The following CHRDL1 variants were observed in gnomAD, a reference collection of about 807,000 sequenced individuals.
CHRDL1 encodes the protein chordin-like protein 1.
CHRDL1 carries 19 observed loss-of-function variants against 40.9 expected under a neutral mutation model. The observed-to-expected ratio is 0.46, with a 90% CI of 0.32 to 0.68. The LOEUF is 0.68. CHRDL1 is among the 30% of genes least tolerant of loss of function. The pLI, the probability that CHRDL1 is intolerant of heterozygous loss-of-function variation, is 0.03. For missense variants in CHRDL1, 329 were observed against 352.1 expected (o/e 0.93, Z 0.53); for synonymous variants, 136 against 123.4 (o/e 1.10, Z -0.68).
intron 6 of CHRDL1, among the ~76,000 whole-genome samples, chrX:110,712,021 G>A (rs909136220): frequency 8.0e-5 from 9 of 111,976 alleles, no homozygotes; most frequent in Non-Finnish European, 1.5e-4. Context: ...TACTGCATCT[G>A]TACTTGGAAT....
intron 2 of CHRDL1, among the ~76,000 whole-genome samples, chrX:110,773,594 G>A (rs1293625450): frequency 2.7e-5 from 3 of 109,133 alleles, no homozygotes; most frequent in African/African-American, 1.0e-4. Context: ...TGGGCGTGGT[G>A]GCAGGCGCCT....
chrX:110,792,985 TC>T (rs1255317580), intron 1 of CHRDL1, among the ~76,000 whole-genome samples: 1 of 112,361 alleles, frequency 8.9e-6, no homozygotes, highest in Non-Finnish European at 1.9e-5. Context: ...AGATTGGCAT[TC>T]CCAGTATAAG....
At position 110,763,287 on chromosome X, in the gene CHRDL1, TC is replaced by T. The variant is rs35497929; in HGVS notation, c.95-481del. On this transcript the variant is annotated intron_variant, in intron 2 of 11. Coordinates refer to ENST00000372042, the MANE Select transcript of CHRDL1 (RefSeq NM_001143981.2). ...TTATCTCTTGTCCCCCTCCCACTCT[TC>T]CCCCCAAGTGCCCAAAGTCCACTGT... Among the ~76,000 whole-genome samples, 5 of 106,282 alleles carry T rather than the reference TC, an allele frequency of 4.7e-5. No homozygotes were observed. The South Asian group carries it at 1.4e-3, about 29-fold the overall frequency. The allele number at this position is 106,282 out of a possible 115,157, so 92.3% of individuals were successfully genotyped here.
intron 4 of CHRDL1, among the ~76,000 whole-genome samples, chrX:110,742,059 T>C (rs995827142): frequency 8.9e-6 from 1 of 112,494 alleles, no homozygotes; most frequent in Admixed American, 9.4e-5. Context: ...GATACTTTAC[T>C]TGGACCTACA....
chrX:110,721,540 G>A lies in CHRDL1; in HGVS notation c.302-10C>T. 2 of 1,200,210 alleles carry A rather than the reference G, an allele frequency of 1.7e-6. No individual in the cohort carries two copies. Among genetic ancestry groups the A allele is most frequent in the Non-Finnish European group, 2.3e-6 (2 of 885,315 alleles). On this transcript the variant is annotated splice_polypyrimidine_tract_variant and intron_variant, in intron 4 of 11. Transcript: ENST00000372042. Reference sequence around the variant, plus strand: ...GGGGGTAAGGAGTCTTCTAGAACAGGGTGGAGAAAAACCACACTGAGTATT... The same window carrying A: ...GGGGGTAAGGAGTCTTCTAGAACAGAGTGGAGAAAAACCACACTGAGTATT...
At chrX:110,777,541 C>T (rs1019510085) in intron 2 of CHRDL1, among the ~76,000 whole-genome samples, 4 of 111,589 alleles carry the variant, frequency 3.6e-5, no homozygotes, top group Non-Finnish European at 5.7e-5. Flanking sequence ...TTTGGCAATT[C>T]TATAATAATA....
At chrX:110,744,986 CACACACACAT>C (rs1161494609) in intron 4 of CHRDL1, among the ~76,000 whole-genome samples, 3 of 109,812 alleles carry the variant, frequency 2.7e-5, no homozygotes, top group African/African-American at 1.0e-4. Flanking sequence ...CACACACACA[CACACACACAT>C]ACATACCACA....
rs766934092 is a variant in CHRDL1 at position 110,746,561 on chromosome X, T to C, written c.301+13100A>G. 1.2e-4 allele frequency among the ~76,000 whole-genome samples: 13 copies of C among 111,443 alleles called. No homozygotes were observed. In the South Asian group the frequency reaches 4.6e-3, roughly 40 times the overall value. On this transcript the variant is annotated intron_variant, in intron 4 of 11. Transcript: ENST00000372042. The stretch of plus-strand genomic sequence containing the variant: ...CTCTGAAAATCTAATCAGAAGGAAA[T>C]AGAAAGGCAAGGCAGAGGTGATGCC...
chrX:110,745,243 G>T (rs1292848312), intron 4 of CHRDL1, among the ~76,000 whole-genome samples: 1 of 111,558 alleles, frequency 9.0e-6, no homozygotes, highest in East Asian at 2.8e-4. Context: ...AGCTGCCTTT[G>T]TAAGTGGCTG....
chrX:110,714,603 C>T (rs1228275074), intron 6 of CHRDL1, among the ~76,000 whole-genome samples: 1 of 111,347 alleles, frequency 9.0e-6, no homozygotes, highest in African/African-American at 3.3e-5. Flanking sequence ...GACACACATT[C>T]TGCCAACGCT....
intron 3 of CHRDL1, 55 bp from the exon 4 acceptor site, chrX:110,759,809 T>A: frequency 1.1e-6 from 1 of 902,445 alleles, no homozygotes; most frequent in Non-Finnish European, 1.6e-6. Context: ...GTCGCTGGGA[T>A]CAAGCCAGTT....
chrX:110,785,261 A>G (rs2089999978), intron 2 of CHRDL1, among the ~76,000 whole-genome samples: 1 of 111,823 alleles, frequency 8.9e-6, no homozygotes, highest in Admixed American at 9.5e-5. Context: ...CTTTACTACA[A>G]GTGCATTTTA....
chrX:110,759,220 C>A (rs1316059159), intron 4 of CHRDL1, among the ~76,000 whole-genome samples: 1 of 112,142 alleles, frequency 8.9e-6, no homozygotes, highest in Admixed American at 9.4e-5. Context: ...CTGTCATAAA[C>A]CTCACTGGGT....
intron 8 of CHRDL1, among the ~76,000 whole-genome samples, chrX:110,691,539 G>C (rs2070278044): frequency 9.0e-6 from 1 of 110,687 alleles, no homozygotes; most frequent in African/African-American, 3.3e-5. Context: ...AACATCTCTA[G>C]GGTGGGTTGT....
chrX:110,759,315 T>C (rs2089516734), intron 4 of CHRDL1, among the ~76,000 whole-genome samples: 1 of 112,078 alleles, frequency 8.9e-6, no homozygotes, highest in South Asian at 3.7e-4. Context: ...ATAAGACACA[T>C]GCCGCCATGC....
intron 4 of CHRDL1, among the ~76,000 whole-genome samples, chrX:110,755,002 G>A (rs1211590194): frequency 9.1e-6 from 1 of 109,802 alleles, no homozygotes; most frequent in African/African-American, 3.3e-5. Flanking sequence ...CACATATTAT[G>A]AAAATAAGTC....
intron 4 of CHRDL1, among the ~76,000 whole-genome samples, chrX:110,736,079 C>T (rs1045767976): frequency 9.8e-5 from 11 of 112,581 alleles, no homozygotes; most frequent in African/African-American, 3.2e-4. Context: ...TGGTGGCACA[C>T]AAGGCTCCAG....
chrX:110,680,776 A>G (rs1465583274), intron 10 of CHRDL1, among the ~76,000 whole-genome samples: 1 of 112,309 alleles, frequency 8.9e-6, no homozygotes, highest in East Asian at 2.8e-4. Context: ...ACTAGTCTTG[A>G]GCCTACAAAA....
At chrX:110,752,431 G>A (rs1344583390) in intron 4 of CHRDL1, among the ~76,000 whole-genome samples, 2 of 111,805 alleles carry the variant, frequency 1.8e-5, no homozygotes, top group African/African-American at 3.3e-5. Flanking sequence ...AGGACCAACA[G>A]TATGAGAAAA....
Sources: gnomAD v4.1 joint callset for allele counts (sites outside exome capture counted in the v4.1 genomes callset) on GRCh38, gnomAD v4.1.1 for gene constraint, MANE v1.5 for transcripts, NCBI Gene and HGNC (gene_info 2026-07-23, HGNC 2026-07-21) for gene names.